SEMA3C: variants seen among roughly 807,000 people sequenced by gnomAD.
The protein encoded by SEMA3C is semaphorin 3C, also known as semaphorin-3C.
In SEMA3C, 47 loss-of-function variants were observed where a neutral mutation model predicts 89.4. The ratio of observed to expected loss-of-function variants is 0.53; its 90% confidence interval spans 0.42 to 0.67. The LOEUF (loss-of-function observed/expected upper bound fraction) is 0.67. Ranked by LOEUF, SEMA3C falls within the 30% of genes least tolerant of loss-of-function variation. The pLI, the probability that SEMA3C is intolerant of heterozygous loss-of-function variation, is 0.00. For synonymous variants in SEMA3C, 310 were observed against 320.2 expected (o/e 0.97, Z 0.34); for missense variants, 839 against 929.1 (o/e 0.90, Z 1.26).
chr7:80,827,699 A>C (rs530940960), intron 3 of SEMA3C, among the ~76,000 whole-genome samples: 2 of 152,200 alleles, frequency 1.3e-5, no homozygotes, highest in Non-Finnish European at 2.9e-5. Flanking sequence ...TCCTTTCACA[A>C]ATGCTTTTCA....
chr7:80,850,535 A>C lies in SEMA3C; in HGVS notation c.104-21790T>G, dbSNP rs367589153. Among the ~76,000 whole-genome samples the C allele has an allele frequency of 3.5e-4, 54 of 152,336 alleles. 1 individual carries two copies. Among genetic ancestry groups the C allele is most frequent in the African/African-American group, 1.2e-3 (50 of 41,576 alleles). On this transcript the variant is annotated intron_variant, in intron 2 of 17. Coordinates refer to ENST00000265361, the MANE Select transcript of SEMA3C (RefSeq NM_006379.5). ...TAACATATACTATGCAATTCCATTT[A>C]CATAAAGTTCAAAAAAAGGCAAAAG...
intron 12 of SEMA3C, among the ~76,000 whole-genome samples, chr7:80,772,541 G>C (rs762237957): frequency 2.0e-5 from 3 of 152,104 alleles, no homozygotes; most frequent in Non-Finnish European, 4.4e-5. Flanking sequence ...GCCCCAGTTG[G>C]TCATCGAGGG....
intron 2 of SEMA3C, among the ~76,000 whole-genome samples, chr7:80,893,707 G>A (rs1246037670): frequency 6.6e-6 from 1 of 152,018 alleles, no homozygotes; most frequent in African/African-American, 2.4e-5. Flanking sequence ...ACGTGCTACT[G>A]TGTATTTGGT....
intron 2 of SEMA3C, among the ~76,000 whole-genome samples, chr7:80,908,575 A>G (rs757499447): frequency 1.5e-4 from 23 of 152,170 alleles, no homozygotes; most frequent in Non-Finnish European, 2.6e-4. Context: ...AGGCGTAGAG[A>G]GCAAATTTAG....
At chr7:80,790,403 A>T (rs1788909843) in intron 11 of SEMA3C, among the ~76,000 whole-genome samples, 1 of 151,852 alleles carries the variant, frequency 6.6e-6, no homozygotes, top group Admixed American at 6.6e-5. Flanking sequence ...CTTAGATTGG[A>T]TGTGTTAAAT....
chr7:80,754,959 T>TTTTTTTTTGTTTTTTTTTTTTG lies in SEMA3C; in HGVS notation c.1643+3371_1643+3372insCAAAAAAAAAAAACAAAAAAAA, dbSNP rs1562859792. 4.7e-5 allele frequency among the ~76,000 whole-genome samples: 6 copies of TTTTTTTTTGTTTTTTTTTTTTG among 126,920 alleles called. 1 individual carries two copies. The highest frequency in any genetic ancestry group is 8.5e-5 in the Admixed American group (1 of 11,782). The allele number at this position is 126,920 out of a possible 152,430, so 83.3% of individuals were successfully genotyped here. On this transcript the variant is annotated intron_variant, in intron 15 of 17. Coordinates refer to ENST00000265361, the MANE Select transcript of SEMA3C (RefSeq NM_006379.5). ...TGCCTGGCGAATTGTTTTTTTTTGT[T>TTTTTTTTTGTTTTTTTTTTTTG]TTTTTTTTTTTTGTATTTTTAGTAG...
At position 80,889,637 on chromosome 7, in the gene SEMA3C, A is replaced by G. The variant is rs190293133; in HGVS notation, c.103+27042T>C. Among the ~76,000 whole-genome samples, 249 of 152,290 alleles carry G rather than the reference A, an allele frequency of 1.6e-3. 3 individuals carry two copies. Among genetic ancestry groups the G allele is most frequent in the Non-Finnish European group, 5.3e-4 (36 of 68,006 alleles). Reference sequence around the variant, plus strand: ...GGTAACATAAATACAAATCAAAGTAATTATATACTTTTCTAAAGTGCCATG... The same window carrying G: ...GGTAACATAAATACAAATCAAAGTAGTTATATACTTTTCTAAAGTGCCATG... On this transcript the variant is annotated intron_variant, in intron 2 of 17. Transcript: ENST00000265361.
At chr7:80,770,482 T>C (rs575078849) in intron 12 of SEMA3C, among the ~76,000 whole-genome samples, 25 of 152,374 alleles carry the variant, frequency 1.6e-4, no homozygotes, top group African/African-American at 6.0e-4. Flanking sequence ...AAGCTGTCAC[T>C]TCTTTTTTTC....
chr7:80,883,974 A>G (rs1466630231), intron 2 of SEMA3C, among the ~76,000 whole-genome samples: 2 of 152,198 alleles, frequency 1.3e-5, no homozygotes. Context: ...TCGTTTCCTA[A>G]CATCTAGGGT....
At position 80,815,707 on chromosome 7, in the gene SEMA3C, T is replaced by C. The variant is rs532050218; in HGVS notation, c.447+2592A>G. 2.6e-4 allele frequency among the ~76,000 whole-genome samples: 40 copies of C among 152,104 alleles called. No individual in the cohort carries two copies. The South Asian group carries it at 6.0e-3, about 23-fold the overall frequency. On this transcript the variant is annotated intron_variant, in intron 5 of 17. Transcript: ENST00000265361. Reference sequence around the variant, plus strand: ...CCTACAAAAAGATACTGAAACAGACTAGATTGGTGGCAAATTTCATTCAAA... The same window carrying C: ...CCTACAAAAAGATACTGAAACAGACCAGATTGGTGGCAAATTTCATTCAAA...
rs116833313 is a variant in SEMA3C, at chr7:80,753,572, G to A, written c.1644-2236C>T. Among the ~76,000 whole-genome samples the A allele has an allele frequency of 2.7e-3, 418 of 152,282 alleles. 2 individuals are homozygous for A. Among genetic ancestry groups the A allele is most frequent in the African/African-American group, 9.7e-3 (404 of 41,560 alleles). On this transcript the variant is annotated intron_variant, in intron 15 of 17. Coordinates refer to ENST00000265361, the MANE Select transcript of SEMA3C (RefSeq NM_006379.5). Reference sequence around the variant, plus strand: ...CATGAGATCAGCAAGGCAGCCATCTGAGCATTTTTTATGTGTAGATTCCCT... The same window carrying A: ...CATGAGATCAGCAAGGCAGCCATCTAAGCATTTTTTATGTGTAGATTCCCT...
chr7:80,790,394 T>G (rs985633337), intron 11 of SEMA3C, among the ~76,000 whole-genome samples: 1 of 151,830 alleles, frequency 6.6e-6, no homozygotes, highest in Non-Finnish European at 1.5e-5. Flanking sequence ...AGAAGACAGC[T>G]TAGATTGGAT....
intron 17 of SEMA3C, among the ~76,000 whole-genome samples, chr7:80,748,074 C>T (rs1275996025): frequency 1.3e-5 from 2 of 152,132 alleles, no homozygotes; most frequent in African/African-American, 4.8e-5. Context: ...GAAGAATACA[C>T]ATAAATGCGG....
intron 2 of SEMA3C, among the ~76,000 whole-genome samples, chr7:80,892,651 T>C (rs1274578787): frequency 6.6e-6 from 1 of 152,158 alleles, no homozygotes. Flanking sequence ...AGATCATTTT[T>C]CACAAAAATA....
chr7:80,864,893 G>A (rs1562913111), intron 2 of SEMA3C, among the ~76,000 whole-genome samples: 1 of 152,100 alleles, frequency 6.6e-6, no homozygotes, highest in South Asian at 2.1e-4. Context: ...CCTGCAGAAG[G>A]TACCTTAATT....
intron 1 of SEMA3C, among the ~76,000 whole-genome samples, chr7:80,917,437 T>C (rs148495412): frequency 1.1e-4 from 17 of 152,324 alleles, no homozygotes; most frequent in East Asian, 9.7e-4. Context: ...GAAGTAACCA[T>C]GGACTAGTGC....
chr7:80,905,232 G>C (rs1177984409), intron 2 of SEMA3C, among the ~76,000 whole-genome samples: 1 of 110,796 alleles, frequency 9.0e-6, no homozygotes, highest in African/African-American at 3.7e-5. Flanking sequence ...CAGGGAGAGA[G>C]AGGGAGAGAG....
chr7:80,887,204 G>C (rs1791504251), intron 2 of SEMA3C, among the ~76,000 whole-genome samples: 2 of 152,114 alleles, frequency 1.3e-5, no homozygotes, highest in African/African-American at 2.4e-5. Context: ...AATATTTTAA[G>C]TGTCTGCAAA....
At chr7:80,819,528 C>T (rs183510032) in intron 4 of SEMA3C, among the ~76,000 whole-genome samples, 32 of 152,266 alleles carry the variant, frequency 2.1e-4, no homozygotes, top group Admixed American at 4.6e-4. Flanking sequence ...ACACTATTCA[C>T]CTTAAGAATT....
Sources: gnomAD v4.1 joint callset for allele counts (sites outside exome capture counted in the v4.1 genomes callset) on GRCh38, gnomAD v4.1.1 for gene constraint, MANE v1.5 for transcripts, NCBI Gene and HGNC (gene_info 2026-07-23, HGNC 2026-07-21) for gene names.